The following KCNIP4 variants were observed in gnomAD, a reference collection of about 807,000 sequenced individuals.
KCNIP4 encodes potassium voltage-gated channel interacting protein 4, also known as Kv channel-interacting protein 4.
A neutral mutation model predicts 34.0 loss-of-function variants in KCNIP4; 12 were observed. The observed-to-expected ratio is 0.35, with a 90% CI of 0.23 to 0.57. The LOEUF (loss-of-function observed/expected upper bound fraction) is 0.57, where lower values mean the gene tolerates loss of function less well. Ranked by LOEUF, KCNIP4 falls within the 20% of genes least tolerant of loss-of-function variation. The pLI is 0.83. For missense variants in KCNIP4, 238 were observed against 311.7 expected, an observed-to-expected ratio of 0.76 and a Z score of 1.78; for synonymous variants, 124 against 102.2, an observed-to-expected ratio of 1.21 and a Z score of -1.29.
At chr4:21,771,276 C>T (rs1397549888) in intron 1 of KCNIP4, among the ~76,000 whole-genome samples, 1 of 152,100 alleles carries the variant, frequency 6.6e-6, no homozygotes, top group African/African-American at 2.4e-5. Context: ...TTTCTGAGAT[C>T]TCTGTTCTGC....
intron 1 of KCNIP4, among the ~76,000 whole-genome samples, chr4:21,446,432 T>C (rs1358685948): frequency 1.3e-5 from 2 of 151,986 alleles, no homozygotes; most frequent in Non-Finnish European, 2.9e-5. Flanking sequence ...CACCATGGAA[T>C]ACTATGCAGC....
intron 1 of KCNIP4, among the ~76,000 whole-genome samples, chr4:21,620,820 C>T (rs1293394817): frequency 6.6e-6 from 1 of 152,114 alleles, no homozygotes; most frequent in Admixed American, 6.5e-5. Flanking sequence ...AGGTCATGTG[C>T]TCAATCATCC....
rs147261233 is a variant in KCNIP4 at position 21,422,782 on chromosome 4, A to C, written c.61+525789T>G. 5.9e-4 allele frequency among the ~76,000 whole-genome samples: 90 copies of C among 152,214 alleles called. No individual in the cohort carries two copies. In the East Asian group the frequency reaches 0.017, roughly 29 times the overall value. On this transcript the variant is annotated intron_variant, in intron 1 of 8. Coordinates refer to ENST00000382152, the MANE Select transcript of KCNIP4 (RefSeq NM_025221.6). ...GCTACTATATTTACCACAATGTAAC[A>C]CAGTGCCACACGGACAGAAGTTTAC... is the stretch of plus-strand genomic sequence containing the variant.
chr4:21,687,957 C>G (rs1432028797), intron 1 of KCNIP4, among the ~76,000 whole-genome samples: 1 of 152,038 alleles, frequency 6.6e-6, no homozygotes, highest in African/African-American at 2.4e-5. Context: ...ATACCTCAGC[C>G]CCAGCACACC....
chr4:21,474,717 C>T (rs1730774957), intron 1 of KCNIP4, among the ~76,000 whole-genome samples: 1 of 151,992 alleles, frequency 6.6e-6, no homozygotes, highest in African/African-American at 2.4e-5. Context: ...TTAAAATCGG[C>T]CAGGCGCGGT....
chr4:20,821,508 T>C (rs1263681519), intron 3 of KCNIP4, among the ~76,000 whole-genome samples: 4 of 152,142 alleles, frequency 2.6e-5, no homozygotes, highest in African/African-American at 9.7e-5. Context: ...AAATAGTGTT[T>C]GAGGTACAGG....
chr4:21,248,241 T>C (rs574144881), intron 1 of KCNIP4, among the ~76,000 whole-genome samples: 3 of 150,026 alleles, frequency 2.0e-5, no homozygotes, highest in Non-Finnish European at 4.5e-5. Flanking sequence ...CCAGATTTGA[T>C]TTTTTTTTTC....
intron 1 of KCNIP4, 113 bp from the exon 2 acceptor site, chr4:20,882,822 C>T: frequency 1.5e-6 from 1 of 666,594 alleles, no homozygotes. Context: ...GCCATCCACT[C>T]AGGCAATCAC....
chr4:21,572,847 T>TAA (rs1380513004), intron 1 of KCNIP4, among the ~76,000 whole-genome samples: 1 of 152,048 alleles, frequency 6.6e-6, no homozygotes, highest in Admixed American at 6.6e-5. Flanking sequence ...GACTGCTCTT[T>TAA]AACTCCTGAC....
chr4:21,894,679 T>C (rs1203695911), intron 1 of KCNIP4, among the ~76,000 whole-genome samples: 1 of 152,230 alleles, frequency 6.6e-6, no homozygotes, highest in Non-Finnish European at 1.5e-5. Flanking sequence ...TTATCACTTA[T>C]AAATAATTTA....
intron 1 of KCNIP4, among the ~76,000 whole-genome samples, chr4:21,284,042 T>A (rs1051422586): frequency 2.0e-5 from 3 of 151,942 alleles, no homozygotes; most frequent in African/African-American, 7.2e-5. Flanking sequence ...TGAAACCCCA[T>A]CTCTACCAAA....
At chr4:21,155,353 A>AT (rs1235171774) in intron 1 of KCNIP4, among the ~76,000 whole-genome samples, 2 of 152,234 alleles carry the variant, frequency 1.3e-5, no homozygotes, top group African/African-American at 2.4e-5. Flanking sequence ...AGAAGACATT[A>AT]TTTTAAGGAG....
At chr4:21,129,848 C>A (rs1293909226) in intron 1 of KCNIP4, among the ~76,000 whole-genome samples, 1 of 150,554 alleles carries the variant, frequency 6.6e-6, no homozygotes, top group African/African-American at 2.5e-5. Flanking sequence ...ATAAATGTGT[C>A]ATAAGTTGAG....
rs2082541 is a variant in KCNIP4 at position 21,133,166 on chromosome 4, G to A, written c.62-250457C>T. On this transcript the variant is annotated intron_variant, in intron 1 of 8. Coordinates refer to ENST00000382152, the MANE Select transcript of KCNIP4 (RefSeq NM_025221.6). ...GCTGAAAGTAGGACAGAAGGATCAC[G>A]TCATTAAGACATTCCTGTTTTCAAT... Among the ~76,000 whole-genome samples, 316 of 152,264 alleles carry A rather than the reference G, an allele frequency of 2.1e-3. 1 individual carries two copies. The highest frequency in any genetic ancestry group is 5.8e-3 in the African/African-American group (243 of 41,552).
chr4:21,060,804 C>T (rs1265325974), intron 1 of KCNIP4, among the ~76,000 whole-genome samples: 1 of 152,188 alleles, frequency 6.6e-6, no homozygotes, highest in Non-Finnish European at 1.5e-5. Context: ...GAAAACTTCT[C>T]ACGAATCAGA....
chr4:21,345,666 T>C lies in KCNIP4; in HGVS notation c.62-462957A>G, dbSNP rs567997364. Among the ~76,000 whole-genome samples the C allele has an allele frequency of 2.6e-5, 4 of 152,280 alleles. No individual in the cohort carries two copies. The East Asian group carries it at 7.7e-4, about 29-fold the overall frequency. The stretch of plus-strand genomic sequence containing the variant: ...AGGCTGATGGCCAGGGTATGCTCCC[T>C]GTCAAAAGCTGGCCTCCTCACCAAA... On this transcript the variant is annotated intron_variant, in intron 1 of 8. Coordinates refer to ENST00000382152, the MANE Select transcript of KCNIP4 (RefSeq NM_025221.6).
At chr4:20,757,643 C>G (rs942620692) in intron 4 of KCNIP4, among the ~76,000 whole-genome samples, 1 of 152,112 alleles carries the variant, frequency 6.6e-6, no homozygotes, top group Non-Finnish European at 1.5e-5. Flanking sequence ...TCCCTACTGC[C>G]TTTTAAAGCG....
At chr4:21,705,610 G>A (rs904656896) in intron 1 of KCNIP4, among the ~76,000 whole-genome samples, 1 of 152,072 alleles carries the variant, frequency 6.6e-6, no homozygotes, top group African/African-American at 2.4e-5. Flanking sequence ...GCAGGCAAAG[G>A]GACACTGAGC....
intron 3 of KCNIP4, among the ~76,000 whole-genome samples, chr4:20,762,141 A>G (rs557951966): frequency 6.6e-6 from 1 of 152,298 alleles, no homozygotes; most frequent in Admixed American, 6.5e-5. Flanking sequence ...GGATTAGCAG[A>G]TTCAGTGCTT....
Sources: allele counts gnomAD v4.1 joint callset (sites outside exome capture counted in the v4.1 genomes callset), GRCh38; gene constraint gnomAD v4.1.1; transcripts MANE v1.5; gene names NCBI Gene and HGNC (gene_info 2026-07-23, HGNC 2026-07-21).